The following NT5C3A variants were observed in gnomAD, a reference collection of about 807,000 sequenced individuals.
NT5C3A encodes the protein 5'-nucleotidase, cytosolic IIIA.
NT5C3A carries 23 observed loss-of-function variants against 40.0 expected under a neutral mutation model. That is an observed-to-expected ratio of 0.58 (90% CI 0.41 to 0.81). NT5C3A has a LOEUF of 0.81. Among genes scored for constraint, NT5C3A ranks in the 40% least tolerant of loss-of-function variants. The pLI, the probability that NT5C3A is intolerant of heterozygous loss-of-function variation, is 0.00. For synonymous variants in NT5C3A, 130 were observed against 141.4 expected (o/e 0.92, Z 0.57); for missense variants, 328 against 403.0 (o/e 0.81, Z 1.59).
At chr7:33,054,940 G>A (rs1210734350) in intron 1 of NT5C3A, among the ~76,000 whole-genome samples, 1 of 152,208 alleles carries the variant, frequency 6.6e-6, no homozygotes, top group Non-Finnish European at 1.5e-5. Flanking sequence ...CATCTCACTA[G>A]GACATACAAA....
At chr7:33,047,025 T>C (rs138840629) in intron 1 of NT5C3A, among the ~76,000 whole-genome samples, 186 of 151,530 alleles carry the variant, frequency 1.2e-3, no homozygotes, top group African/African-American at 4.3e-3. Flanking sequence ...TAGGTTGGTC[T>C]TGAACTCCTA....
chr7:33,055,394 G>A (rs1787532159), intron 1 of NT5C3A, among the ~76,000 whole-genome samples: 1 of 151,656 alleles, frequency 6.6e-6, no homozygotes, highest in East Asian at 1.9e-4. Flanking sequence ...ACCAATTAAT[G>A]GACTCTCTCC....
chr7:33,028,747 G>A (rs897031891), intron 1 of NT5C3A, among the ~76,000 whole-genome samples: 11 of 152,062 alleles, frequency 7.2e-5, no homozygotes, highest in African/African-American at 2.7e-4. Context: ...AAGACTGGAA[G>A]ATGATAACGA....
At chr7:33,040,768 T>C (rs1291282716) in intron 1 of NT5C3A, 1 of 414,522 alleles carries the variant, frequency 2.4e-6, no homozygotes, top group Non-Finnish European at 3.2e-6. Context: ...ATTTCCTAAG[T>C]TTGTATTTCA....
At chr7:33,037,832 T>TAC (rs1786693120) in intron 1 of NT5C3A, among the ~76,000 whole-genome samples, 1 of 152,182 alleles carries the variant, frequency 6.6e-6, no homozygotes, top group Non-Finnish European at 1.5e-5. Context: ...GCTATATATA[T>TAC]ACACACATAC....
intron 1 of NT5C3A, chr7:33,029,744 T>A (rs1250009519): frequency 2.4e-6 from 3 of 1,241,384 alleles, no homozygotes; most frequent in Non-Finnish European, 2.1e-6. Flanking sequence ...TTTATTTTAT[T>A]TTTATAGAGA....
intron 1 of NT5C3A, among the ~76,000 whole-genome samples, chr7:33,060,930 G>A (rs1787750881): frequency 6.6e-6 from 1 of 152,142 alleles, no homozygotes; most frequent in Non-Finnish European, 1.5e-5. Flanking sequence ...ATTACAATCT[G>A]AATTAATATA....
intron 1 of NT5C3A, among the ~76,000 whole-genome samples, chr7:33,044,645 C>T (rs1332045702): frequency 6.6e-6 from 1 of 152,154 alleles, no homozygotes; most frequent in Admixed American, 6.5e-5. Flanking sequence ...TTTTCCTCCC[C>T]TTTTAACGCT....
intron 1 of NT5C3A, chr7:33,036,331 A>T: frequency 3.1e-6 from 1 of 318,702 alleles, no homozygotes; most frequent in African/African-American, 2.1e-5. Context: ...CAAGAGTGAG[A>T]ACCCTGGCCC....
chr7:33,040,419 A>G (rs1277786313), intron 1 of NT5C3A, among the ~76,000 whole-genome samples: 1 of 152,220 alleles, frequency 6.6e-6, no homozygotes, highest in Non-Finnish European at 1.5e-5. Flanking sequence ...AATCCTGGGT[A>G]AAGCTCACAT....
At chr7:33,030,276 T>C (rs1786172294) in intron 1 of NT5C3A, among the ~76,000 whole-genome samples, 1 of 152,186 alleles carries the variant, frequency 6.6e-6, no homozygotes, top group East Asian at 1.9e-4. Context: ...TCACATACTT[T>C]TTGTTGTGGT....
chr7:33,042,497 T>C (rs1301403203), intron 1 of NT5C3A, among the ~76,000 whole-genome samples: 2 of 152,152 alleles, frequency 1.3e-5, no homozygotes, highest in East Asian at 1.9e-4. Flanking sequence ...TAATCAGTAA[T>C]GAAGACTCAA....
intron 1 of NT5C3A, chr7:33,041,162 A>G: frequency 1.0e-6 from 1 of 984,328 alleles, no homozygotes. Context: ...CTCTGGAAAG[A>G]AAAGAGGAAC....
chr7:33,051,801 C>T (rs893718802), intron 1 of NT5C3A, among the ~76,000 whole-genome samples: 3 of 152,118 alleles, frequency 2.0e-5, no homozygotes. Flanking sequence ...ATTTTAAAAA[C>T]CATACCCAAA....
chr7:33,015,815 C>G lies in NT5C3A; in HGVS notation c.749G>C (p.Gly250Ala). Reference protein sequence around the residue: ...ELIHVFNKHDGALRNTEYFNQ... With the variant: ...ELIHVFNKHDAALRNTEYFNQ... ...GAAATATTCTGTATTCCTCAAGGCA[C>G]CATCATGTTTGTTAAATACATGAAT... The change falls in exon 8 of 9, where the codon GGT (glycine) becomes GCT (alanine). Residue 250 changes from glycine to alanine, a missense_variant. Physicochemically the swap from Gly to Ala is moderately conservative, Grantham distance 60 (BLOSUM62 0). This residue lies in a region of NT5C3A where 280 missense variants were observed against 317.2 expected (regional missense o/e 0.88). Coordinates refer to ENST00000610140, the MANE Select transcript of NT5C3A (RefSeq NM_001002010.5). 1 of 1,610,674 alleles carries G rather than the reference C, an allele frequency of 6.2e-7. No individual in the cohort carries two copies. The highest frequency in any genetic ancestry group is 8.5e-7 in the Non-Finnish European group (1 of 1,176,890).
chr7:33,049,661 A>C (rs4723241), intron 1 of NT5C3A, among the ~76,000 whole-genome samples: 2 of 151,828 alleles, frequency 1.3e-5, no homozygotes, highest in Admixed American at 6.6e-5. Context: ...GCTTAGAAAG[A>C]CATCAAAATT....
chr7:33,051,094 T>C (rs979525808), intron 1 of NT5C3A, among the ~76,000 whole-genome samples: 8 of 152,220 alleles, frequency 5.3e-5, no homozygotes, highest in Non-Finnish European at 1.2e-4. Flanking sequence ...CTTAAGATTC[T>C]TTATATATCT....
At chr7:33,041,140 A>C (rs1244947369) in intron 1 of NT5C3A, 6 of 984,954 alleles carry the variant, frequency 6.1e-6, no homozygotes, top group Non-Finnish European at 7.2e-6. Context: ...TACTATTAGA[A>C]CTGGCAACTG....
chr7:33,037,172 G>A (rs1175865815), intron 1 of NT5C3A, among the ~76,000 whole-genome samples: 1 of 152,194 alleles, frequency 6.6e-6, no homozygotes, highest in East Asian at 1.9e-4. Flanking sequence ...ATCGAGCATT[G>A]TGTCTAGCAC....
Sources: allele counts gnomAD v4.1 joint callset (sites outside exome capture counted in the v4.1 genomes callset), GRCh38; gene constraint gnomAD v4.1.1; regional missense constraint gnomAD v4.1.1; transcripts MANE v1.5; gene names NCBI Gene and HGNC (gene_info 2026-07-23, HGNC 2026-07-21).